The following CHCHD3 variants were observed in gnomAD, a reference collection of about 807,000 sequenced individuals.
The protein encoded by CHCHD3 is coiled-coil-helix-coiled-coil-helix domain containing 3.
In CHCHD3, 20 loss-of-function variants were observed where a neutral mutation model predicts 38.2. The observed-to-expected ratio is 0.52, with a 90% CI of 0.37 to 0.76. The LOEUF (loss-of-function observed/expected upper bound fraction) is 0.76. CHCHD3 is among the 30% of genes least tolerant of loss of function. CHCHD3 has a pLI of 0.00. For synonymous variants in CHCHD3, 82 were observed against 100.0 expected (o/e 0.82, Z 1.07); for missense variants, 245 against 279.2 (o/e 0.88, Z 0.87).
At chr7:133,042,944 G>A (rs1813873291) in intron 2 of CHCHD3, among the ~76,000 whole-genome samples, 1 of 152,010 alleles carries the variant, frequency 6.6e-6, no homozygotes. Context: ...ACGGCACACT[G>A]TAGCATCAAT....
intron 4 of CHCHD3, among the ~76,000 whole-genome samples, chr7:132,889,244 C>G (rs898142896): frequency 6.6e-6 from 1 of 151,974 alleles, no homozygotes; most frequent in African/African-American, 2.4e-5. Context: ...TTTTCTCCCC[C>G]ATTCAATGTA....
rs184166902 is a variant in CHCHD3, at chr7:132,818,019, T to C, written c.524+20380A>G. On this transcript the variant is annotated intron_variant, in intron 6 of 7. Coordinates refer to ENST00000262570, the MANE Select transcript of CHCHD3 (RefSeq NM_017812.4). ...CCTTTGGGAGTGTATTATATTGCTATGAGGGCCCACCCCAGCCAAACTATG... is the reference window on the plus strand; with the variant it reads ...CCTTTGGGAGTGTATTATATTGCTACGAGGGCCCACCCCAGCCAAACTATG... Among the ~76,000 whole-genome samples the C allele has an allele frequency of 3.7e-3, 558 of 152,318 alleles. 1 individual carries two copies. Among genetic ancestry groups the C allele is most frequent in the Non-Finnish European group, 6.2e-3 (420 of 68,024 alleles).
At chr7:133,073,935 C>T (rs1172245591) in intron 1 of CHCHD3, among the ~76,000 whole-genome samples, 2 of 152,182 alleles carry the variant, frequency 1.3e-5, no homozygotes, top group African/African-American at 2.4e-5. Flanking sequence ...GCCTACATTG[C>T]CCTCTCTCCT....
At chr7:133,037,799 G>A (rs536683886) in intron 2 of CHCHD3, among the ~76,000 whole-genome samples, 2 of 152,234 alleles carry the variant, frequency 1.3e-5, no homozygotes, top group South Asian at 2.1e-4. Context: ...GCGACAGAGC[G>A]AGAGACTGTC....
chr7:133,002,785 T>TC (rs1040757160), intron 3 of CHCHD3, among the ~76,000 whole-genome samples: 1 of 152,160 alleles, frequency 6.6e-6, no homozygotes, highest in Non-Finnish European at 1.5e-5. Flanking sequence ...CCATTTAATG[T>TC]CACACAATAA....
chr7:132,892,088 T>C (rs1809376199), intron 4 of CHCHD3, among the ~76,000 whole-genome samples: 1 of 152,186 alleles, frequency 6.6e-6, no homozygotes, highest in Non-Finnish European at 1.5e-5. Flanking sequence ...GGCACTGCTA[T>C]AAAGATACAG....
intron 2 of CHCHD3, among the ~76,000 whole-genome samples, chr7:133,049,714 A>G (rs1363599255): frequency 6.6e-6 from 1 of 152,234 alleles, no homozygotes; most frequent in Non-Finnish European, 1.5e-5. Flanking sequence ...CTCCATTAAG[A>G]TTCTCCATGA....
At chr7:132,985,800 C>T (rs1322855330) in intron 3 of CHCHD3, among the ~76,000 whole-genome samples, 2 of 102,916 alleles carry the variant, frequency 1.9e-5, no homozygotes, top group African/African-American at 3.5e-5. Context: ...GCCCCCCGCC[C>T]GGCCAGCCGC....
intron 7 of CHCHD3, among the ~76,000 whole-genome samples, chr7:132,791,084 C>A (rs1806448922): frequency 6.6e-6 from 1 of 152,156 alleles, no homozygotes; most frequent in African/African-American, 2.4e-5. Context: ...GGTCAAAGAC[C>A]TTTAATGCAA....
intron 6 of CHCHD3, among the ~76,000 whole-genome samples, chr7:132,827,808 ACCAT>A (rs1807543851): frequency 6.6e-6 from 1 of 152,216 alleles, no homozygotes; most frequent in African/African-American, 2.4e-5. Context: ...CTTTGTGTGT[ACCAT>A]GATGTTTGAG....
chr7:133,051,930 T>G (rs1339860715), intron 2 of CHCHD3: 1 of 152,174 alleles, frequency 6.6e-6, no homozygotes, highest in African/African-American at 2.4e-5. Flanking sequence ...TAACAGTCCA[T>G]TCCACCATCT....
intron 5 of CHCHD3, among the ~76,000 whole-genome samples, chr7:132,844,641 C>T (rs1283680938): frequency 2.0e-5 from 3 of 152,078 alleles, no homozygotes; most frequent in Non-Finnish European, 2.9e-5. Context: ...AAGCATAAAA[C>T]ATGTTTTCCA....
At chr7:132,924,449 G>A (rs1188821483) in intron 4 of CHCHD3, among the ~76,000 whole-genome samples, 1 of 152,148 alleles carries the variant, frequency 6.6e-6, no homozygotes, top group Non-Finnish European at 1.5e-5. Flanking sequence ...TTGGTTTTAA[G>A]TATAGGTAAA....
chr7:132,957,235 G>A (rs185677112), intron 4 of CHCHD3, among the ~76,000 whole-genome samples: 1 of 152,324 alleles, frequency 6.6e-6, no homozygotes, highest in Admixed American at 6.5e-5. Flanking sequence ...TAGATAGGGT[G>A]ATTACTAAGA....
chr7:133,029,503 G>C (rs567027875), intron 2 of CHCHD3, among the ~76,000 whole-genome samples: 1 of 152,140 alleles, frequency 6.6e-6, no homozygotes, highest in African/African-American at 2.4e-5. Flanking sequence ...TTGTCTTTCT[G>C]TGTCTGGCTT....
At chr7:133,004,670 TAAGAG>T (rs1812654885) in intron 3 of CHCHD3, among the ~76,000 whole-genome samples, 1 of 152,108 alleles carries the variant, frequency 6.6e-6, no homozygotes, top group Admixed American at 6.6e-5. Flanking sequence ...AGATGAAAGA[TAAGAG>T]AGGAGAAAGG....
At chr7:132,851,180 T>G (rs1239046211) in intron 5 of CHCHD3, among the ~76,000 whole-genome samples, 1 of 152,226 alleles carries the variant, frequency 6.6e-6, no homozygotes, top group Admixed American at 6.5e-5. Flanking sequence ...GTTACAGATG[T>G]GAGAAGATAC....
At chr7:133,027,690 T>C (rs915625109) in intron 2 of CHCHD3, among the ~76,000 whole-genome samples, 5 of 152,262 alleles carry the variant, frequency 3.3e-5, no homozygotes, top group East Asian at 1.9e-4. Context: ...ATAGTCTATA[T>C]AGCATGAGAA....
chr7:132,870,967 G>C (rs976536378), intron 5 of CHCHD3, among the ~76,000 whole-genome samples: 2 of 151,924 alleles, frequency 1.3e-5, no homozygotes, highest in Admixed American at 1.3e-4. Flanking sequence ...CCATTTCACT[G>C]ACATATTATC....
Sources: gnomAD v4.1 joint callset for allele counts (sites outside exome capture counted in the v4.1 genomes callset) on GRCh38, gnomAD v4.1.1 for gene constraint, MANE v1.5 for transcripts, NCBI Gene and HGNC (gene_info 2026-07-23, HGNC 2026-07-21) for gene names.